Variants in DYNC2H1 observed in about 807,000 individuals in gnomAD.
The protein encoded by DYNC2H1 is cytoplasmic dynein 2 heavy chain 1.
Under a neutral mutation model 570.0 loss-of-function variants are expected in DYNC2H1, and 410 were observed. That is an observed-to-expected ratio of 0.72 (90% CI 0.66 to 0.78). The LOEUF is 0.78. DYNC2H1 is among the 30% of genes least tolerant of loss of function. The pLI, the probability that DYNC2H1 is intolerant of heterozygous loss-of-function variation, is 0.00. For synonymous variants in DYNC2H1, 1,688 were observed against 1,677.6 expected, an observed-to-expected ratio of 1.01 and a Z score of -0.15; for missense variants, 4,865 against 5,046.4, an observed-to-expected ratio of 0.96 and a Z score of 1.09.
At chr11:103,388,294 G>A (rs913904813) in intron 83 of DYNC2H1, among the ~76,000 whole-genome samples, 3 of 151,932 alleles carry the variant, frequency 2.0e-5, no homozygotes, top group Admixed American at 6.6e-5. Flanking sequence ...TCATGATTTG[G>A]CTCTCTGTTT....
chr11:103,362,326 TTTTTTTC>T (rs1180245394), intron 83 of DYNC2H1, among the ~76,000 whole-genome samples: 2,666 of 80,338 alleles, frequency 0.033, 58 homozygotes, highest in Non-Finnish European at 0.053. Context: ...TTTTCTTTTT[TTTTTTTC>T]TTTTTTTTTT....
intron 70 of DYNC2H1, among the ~76,000 whole-genome samples, chr11:103,266,818 T>C (rs937052667): frequency 1.3e-5 from 2 of 152,244 alleles, no homozygotes; most frequent in Non-Finnish European, 1.5e-5. Flanking sequence ...CGTGGCCAGA[T>C]TGGGGCTTCC....
chr11:103,197,954 G>A lies in DYNC2H1; in HGVS notation c.7730G>A (p.Gly2577Glu), dbSNP rs1182674566. 1 of 1,570,392 alleles carries A rather than the reference G, an allele frequency of 6.4e-7. No homozygotes were observed. The highest frequency in any genetic ancestry group is 1.9e-5 in the Admixed American group (1 of 53,678). The change falls in exon 48 of 89, where the codon GGA becomes GAA. Residue 2577 changes from glycine to glutamate, a missense_variant. Gly to Glu is a moderately conservative substitution (Grantham distance 98). Transcript: ENST00000375735. Reference protein sequence around the residue: ...NMSDSFYVTWGARHNSGARAA... With the variant: ...NMSDSFYVTWEARHNSGARAA... ...ACAGATAGTTTCTACGTTACATGGG[G>A]AGCTCGGCATAATTCAGGAGCAAGG... is the stretch of plus-strand genomic sequence containing the variant.
At position 103,120,649 on chromosome 11, in the gene DYNC2H1, A is replaced by T. The variant is rs1244144061; in HGVS notation, c.1135-40A>T. On this transcript the variant is annotated intron_variant, in intron 7 of 88. Coordinates refer to ENST00000375735, the MANE Select transcript of DYNC2H1 (RefSeq NM_001377.3). ...TGTTGTTCTTTTTAAAGACAGATTT[A>T]AAAAATACTAAAGTCTAACAATGTT... The T allele has an allele frequency of 3.1e-6, 5 of 1,599,224 alleles. No homozygotes were observed. The South Asian group carries it at 4.6e-5, about 15-fold the overall frequency.
intron 78 of DYNC2H1, among the ~76,000 whole-genome samples, chr11:103,310,582 T>C (rs1867530697): frequency 6.6e-6 from 1 of 151,924 alleles, no homozygotes. Context: ...GCCTTATCTA[T>C]GGTGGTTTTT....
chr11:103,185,052 G>A lies in DYNC2H1; in HGVS notation c.6633+1G>A. The A allele has an allele frequency of 1.2e-6, 2 of 1,608,314 alleles. No homozygotes were observed. The highest frequency in any genetic ancestry group is 1.7e-6 in the Non-Finnish European group (2 of 1,176,426). On this transcript the variant is annotated splice_donor_variant, in intron 41 of 88. Transcript: ENST00000375735. LOFTEE classifies it high-confidence loss of function. This position sits in a 1 kb window ranked among gnomAD's most constrained non-coding sequence, Gnocchi z 4.5. ...GTCACGTTTGGAATTTACCAAAGAG[G>A]TAATGCATATTTATAGCCTATATTT...
rs1259204683 is a variant in DYNC2H1 at position 103,254,396 on chromosome 11, A to G, written c.10206+948A>G. 6.6e-6 allele frequency among the ~76,000 whole-genome samples: 1 copy of G among 152,194 alleles called. No homozygotes were observed. The highest frequency in any genetic ancestry group is 6.5e-5 in the Admixed American group (1 of 15,268). Reference sequence around the variant, plus strand: ...ATTTTGAATTACATATTTTATACCAATGTCTTTCTCTATTTTAGTATTCAG... The same window carrying G: ...ATTTTGAATTACATATTTTATACCAGTGTCTTTCTCTATTTTAGTATTCAG... On this transcript the variant is annotated intron_variant, in intron 66 of 88. Transcript: ENST00000375735. The surrounding 1 kb of genome is among the most constrained non-coding windows in gnomAD (Gnocchi z 4.9).
chr11:103,256,933 G>T lies in DYNC2H1; in HGVS notation c.10462-675G>T, dbSNP rs1000695396. ...CTTTCCCCTAATACTAGTGCTGTTG[G>T]TCCTCATTAAGACCAATCTGTGAAC... On this transcript the variant is annotated intron_variant, in intron 68 of 88. Transcript: ENST00000375735. This position sits in a 1 kb window ranked among gnomAD's most constrained non-coding sequence, Gnocchi z 4.0. Among the ~76,000 whole-genome samples the T allele has an allele frequency of 4.6e-5, 7 of 152,086 alleles. No homozygotes were observed. Among genetic ancestry groups the T allele is most frequent in the Non-Finnish European group, 1.0e-4 (7 of 68,014 alleles).
chr11:103,265,494 CT>C (rs1367182276), intron 70 of DYNC2H1, among the ~76,000 whole-genome samples: 2 of 152,222 alleles, frequency 1.3e-5, no homozygotes, highest in Non-Finnish European at 2.9e-5. Flanking sequence ...AGTTTTTCAG[CT>C]GTATCAGATC....
Position 103,170,124 on chromosome 11 carries a change from T to A in DYNC2H1, c.4985T>A (p.Leu1662Gln). 6.2e-7 allele frequency: 1 copy of A among 1,610,554 alleles called. No individual in the cohort carries two copies. Among genetic ancestry groups the A allele is most frequent in the Non-Finnish European group, 8.5e-7 (1 of 1,178,364 alleles). ...TYEYQGNASK[L>Q]VYTPLTDKCY... Reference sequence around the variant, plus strand: ...CTTGTATAGGGTAATGCTTCCAAACTGGTTTATACTCCACTGACAGACAAG... The same window carrying A: ...CTTGTATAGGGTAATGCTTCCAAACAGGTTTATACTCCACTGACAGACAAG... Residue 1662 changes from leucine (L) to glutamine (Q), a missense_variant, in exon 33 of 89, where the codon CTG becomes CAG. Physicochemically the swap from Leu to Gln is moderately radical, Grantham distance 113. This residue lies in a region of DYNC2H1 where 1,936 missense variants were observed against 1,962.1 expected (regional missense o/e 0.99). Transcript: ENST00000375735. The surrounding 1 kb of genome is among the most constrained non-coding windows in gnomAD (Gnocchi z 4.8).
At chr11:103,428,185 C>CTTTT (rs35767159) in intron 84 of DYNC2H1, among the ~76,000 whole-genome samples, 3 of 134,734 alleles carry the variant, frequency 2.2e-5, no homozygotes, top group African/African-American at 5.5e-5. Flanking sequence ...ATAACATGAG[C>CTTTT]TTTTTTTTTT....
At chr11:103,168,588 T>A (rs1255471513) in intron 31 of DYNC2H1, among the ~76,000 whole-genome samples, 167 bp from the exon 32 acceptor site, 1 of 152,180 alleles carries the variant, frequency 6.6e-6, no homozygotes, top group Non-Finnish European at 1.5e-5. Context: ...TACTTACTGG[T>A]AGATTTGACT....
intron 83 of DYNC2H1, among the ~76,000 whole-genome samples, chr11:103,368,515 C>T (rs1241602393): frequency 4.6e-5 from 7 of 151,902 alleles, no homozygotes; most frequent in Non-Finnish European, 1.5e-5. Flanking sequence ...GTATTGTTTG[C>T]AAATATTTTC....
intron 52 of DYNC2H1, among the ~76,000 whole-genome samples, chr11:103,208,480 G>T (rs1399747856): frequency 1.3e-5 from 2 of 152,244 alleles, no homozygotes; most frequent in African/African-American, 4.8e-5. Flanking sequence ...CAGGCCCAGT[G>T]GTTCAAGGAC....
intron 76 of DYNC2H1, 26 bp downstream of exon 76, chr11:103,303,279 T>G (rs368827075): frequency 1.3e-6 from 2 of 1,595,146 alleles, no homozygotes; most frequent in Middle Eastern, 1.7e-4. Context: ...CCCGCTGTTT[T>G]TGTTTTTGCT....
chr11:103,339,943 C>T (rs1939359579), intron 82 of DYNC2H1, among the ~76,000 whole-genome samples: 1 of 152,188 alleles, frequency 6.6e-6, no homozygotes, highest in Non-Finnish European at 1.5e-5. Context: ...TGTGATAGGG[C>T]AGCACTGAGT....
Position 103,153,402 on chromosome 11 carries a change from G to A in DYNC2H1, c.3196G>A (p.Asp1066Asn), listed in dbSNP as rs1381765208. 5.8e-6 allele frequency: 9 copies of A among 1,558,738 alleles called. No homozygotes were observed. Among genetic ancestry groups the A allele is most frequent in the Admixed American group, 3.8e-5 (2 of 51,952 alleles). The change falls in exon 22 of 89, where the codon GAT (aspartate) becomes AAT (asparagine). Residue 1066 changes from aspartate to asparagine, a missense_variant. This residue lies in a region of DYNC2H1 where 1,936 missense variants were observed against 1,962.1 expected (regional missense o/e 0.99). Coordinates refer to ENST00000375735, the MANE Select transcript of DYNC2H1 (RefSeq NM_001377.3). ...ARWDQLKPGD[D>N]VIETGQHNTL... is the part of the protein sequence containing the mutation. ...TTGGGACCAACTAAAGCCTGGTGAT[G>A]ATGTTATTGAAACTGGCCAACATAA...
intron 45 of DYNC2H1, among the ~76,000 whole-genome samples, chr11:103,190,621 T>A (rs1418586925): frequency 6.6e-6 from 1 of 152,174 alleles, no homozygotes; most frequent in Non-Finnish European, 1.5e-5. Context: ...TTGTGGAAGA[T>A]GCTTTTTATA....
Position 103,153,424 on chromosome 11 carries a change from A to G in DYNC2H1, c.3218A>G (p.His1073Arg), listed in dbSNP as rs778035635. 3.2e-6 allele frequency: 5 copies of G among 1,564,896 alleles called. No homozygotes were observed. The highest frequency in any genetic ancestry group is 4.3e-6 in the Non-Finnish European group (5 of 1,154,194). ...PGDDVIETGQHNTLDKSAKLI... is the reference protein window; with the variant it reads ...PGDDVIETGQRNTLDKSAKLI... Reference sequence around the variant, plus strand: ...GATGATGTTATTGAAACTGGCCAACATAATACTCTTGATAAAAGTGCAAAG... The same window carrying G: ...GATGATGTTATTGAAACTGGCCAACGTAATACTCTTGATAAAAGTGCAAAG... Residue 1073 changes from histidine to arginine, a missense_variant, in exon 22 of 89, where the codon CAT becomes CGT. His to Arg is a conservative substitution (Grantham distance 29). Coordinates refer to ENST00000375735, the MANE Select transcript of DYNC2H1 (RefSeq NM_001377.3).
Sources: allele counts gnomAD v4.1 joint callset (sites outside exome capture counted in the v4.1 genomes callset), GRCh38; gene constraint gnomAD v4.1.1; regional missense constraint gnomAD v4.1.1; non-coding constraint Gnocchi (gnomAD v3.1); transcripts MANE v1.5; gene names NCBI Gene and HGNC (gene_info 2026-07-23, HGNC 2026-07-21).